The following CRACR2A variants were observed in gnomAD, a reference collection of about 807,000 sequenced individuals.
CRACR2A encodes the protein calcium release activated channel regulator 2A.
Under a neutral mutation model 90.5 loss-of-function variants are expected in CRACR2A, and 79 were observed. The observed-to-expected ratio is 0.87, with a 90% CI of 0.73 to 1.05. The LOEUF (loss-of-function observed/expected upper bound fraction) is 1.05. Ranked by LOEUF, CRACR2A falls within the 50% of genes least tolerant of loss-of-function variation. The pLI, the probability that CRACR2A is intolerant of heterozygous loss-of-function variation, is 0.00. For synonymous variants in CRACR2A, 338 were observed against 356.7 expected, an observed-to-expected ratio of 0.95 and a Z score of 0.59; for missense variants, 823 against 897.2, an observed-to-expected ratio of 0.92 and a Z score of 1.06.
intron 11 of CRACR2A, 64 bp downstream of exon 11, chr12:3,648,478 T>G (rs1178497367): frequency 6.2e-7 from 1 of 1,613,052 alleles, no homozygotes; most frequent in Admixed American, 1.7e-5. Flanking sequence ...ACCCTCAGAC[T>G]GGTCCTTCCG....
intron 1 of CRACR2A, among the ~76,000 whole-genome samples, chr12:3,745,295 T>TC (rs1205345941): frequency 6.6e-6 from 1 of 151,970 alleles, no homozygotes; most frequent in African/African-American, 2.4e-5. Flanking sequence ...TGATGGTATC[T>TC]CCCCAATGGC....
chr12:3,628,050 TCTCTCTCTTTCCCTCCCTCTCTCC>T (rs1944302043), intron 15 of CRACR2A, among the ~76,000 whole-genome samples: 1 of 115,352 alleles, frequency 8.7e-6, no homozygotes. Flanking sequence ...TCCTTCCCTC[TCTCTCTCTTTCCCTCCCTCTCTCC>T]CTCTCTCCTT....
intron 17 of CRACR2A, among the ~76,000 whole-genome samples, chr12:3,621,360 C>T (rs546893770): frequency 1.3e-5 from 2 of 150,796 alleles, no homozygotes; most frequent in Admixed American, 1.3e-4. Flanking sequence ...GCAATGGTGC[C>T]TCTTGCGTCC....
At chr12:3,733,872 G>GACACACACACACACACAC (rs56412036) in intron 1 of CRACR2A, among the ~76,000 whole-genome samples, 1 of 136,094 alleles carries the variant, frequency 7.3e-6, no homozygotes, top group Non-Finnish European at 1.6e-5. Flanking sequence ...AAATTTTCAG[G>GACACACACACACACACAC]ACACACACAC....
intron 13 of CRACR2A, among the ~76,000 whole-genome samples, chr12:3,639,409 A>G (rs1377926484): frequency 6.7e-6 from 1 of 149,838 alleles, no homozygotes; most frequent in Non-Finnish European, 1.5e-5. Flanking sequence ...CCTCACAGAA[A>G]TTGTCTTAAA....
At chr12:3,619,844 A>G (rs1303829602) in intron 17 of CRACR2A, among the ~76,000 whole-genome samples, 3 of 152,220 alleles carry the variant, frequency 2.0e-5, no homozygotes, top group Non-Finnish European at 4.4e-5. Context: ...TAGAAACTGC[A>G]TCACTAGAGG....
chr12:3,694,119 T>C (rs913385012), intron 4 of CRACR2A, among the ~76,000 whole-genome samples: 2 of 152,190 alleles, frequency 1.3e-5, no homozygotes, highest in Non-Finnish European at 2.9e-5. Context: ...CCAGATTCTG[T>C]GTCTTCCCTC....
At position 3,753,059 on chromosome 12, in the gene CRACR2A, C is replaced by G. The variant is rs1462053872; in HGVS notation, c.-431G>C. On this transcript the variant is annotated 5_prime_UTR_variant, in exon 1 of 20. Coordinates refer to ENST00000440314, the MANE Select transcript of CRACR2A (RefSeq NM_001144958.2). ...CGTGGACCTGCCCGCGCCGCCCGCT[C>G]GGCTCTCAGCTGTCAAGCAGCCGCC... is the stretch of plus-strand genomic sequence containing the variant. The G allele has an allele frequency of 1.3e-5, 2 of 152,388 alleles. No homozygotes were observed. The highest frequency in any genetic ancestry group is 2.9e-5 in the Non-Finnish European group (2 of 68,172). The allele number at this position is 152,388 out of a possible 1,614,324, so 9.4% of individuals were successfully genotyped here.
At chr12:3,689,479 T>C (rs1945617729) in intron 4 of CRACR2A, among the ~76,000 whole-genome samples, 1 of 152,246 alleles carries the variant, frequency 6.6e-6, no homozygotes. Context: ...GTTTTGTTTA[T>C]GTGATGAATT....
chr12:3,723,347 C>T (rs926260765), intron 2 of CRACR2A, among the ~76,000 whole-genome samples: 16 of 152,168 alleles, frequency 1.1e-4, no homozygotes, highest in African/African-American at 3.6e-4. Context: ...CTGTTTCTCT[C>T]CATGGTTCAG....
intron 3 of CRACR2A, among the ~76,000 whole-genome samples, chr12:3,706,870 C>G (rs1243499156): frequency 6.6e-6 from 1 of 152,204 alleles, no homozygotes; most frequent in East Asian, 1.9e-4. Context: ...TCCCAAAGTG[C>G]TGGGATTACA....
At chr12:3,648,214 C>A (rs568782096) in intron 11 of CRACR2A, 4 of 1,197,648 alleles carry the variant, frequency 3.3e-6, no homozygotes, top group Admixed American at 4.0e-5. Context: ...GATAATATTT[C>A]TAGCATAGAT....
At chr12:3,653,716 G>A (rs1176021737) in intron 10 of CRACR2A, among the ~76,000 whole-genome samples, 1 of 152,158 alleles carries the variant, frequency 6.6e-6, no homozygotes, top group African/African-American at 2.4e-5. Context: ...GCGAGTCCAG[G>A]GCAGTGACAC....
chr12:3,666,330 C>CGTGTGTGTGTGTTTGTGTGTGTGT (rs1555112056), intron 7 of CRACR2A, among the ~76,000 whole-genome samples: 1 of 139,582 alleles, frequency 7.2e-6, no homozygotes, highest in Non-Finnish European at 1.6e-5. Flanking sequence ...AGGACGGCTG[C>CGTGTGTGTGTGTTTGTGTGTGTGT]GTGTGTGTGT....
rs755001466 is a variant in CRACR2A at position 3,696,942 on chromosome 12, C to T, written c.58G>A (p.Gly20Ser). The T allele has an allele frequency of 1.3e-5, 21 of 1,614,088 alleles. No homozygotes were observed. The highest frequency in any genetic ancestry group is 6.8e-6 in the Non-Finnish European group (8 of 1,180,036). Reference protein sequence around the residue: ...SRPQRLGQGSGQGPKGSGACL... With the variant: ...SRPQRLGQGSSQGPKGSGACL... ...GCTCCACTCCCCTTTGGCCCCTGGC[C>T]AGACCCCTGACCAAGTCTCTGGGGT... Residue 20 changes from glycine to serine, a missense_variant, in exon 4 of 20, where the codon GGC (glycine) becomes AGC (serine). Coordinates refer to ENST00000440314, the MANE Select transcript of CRACR2A (RefSeq NM_001144958.2).
At chr12:3,642,696 T>A (rs887968277) in intron 12 of CRACR2A, among the ~76,000 whole-genome samples, 4 of 152,346 alleles carry the variant, frequency 2.6e-5, no homozygotes, top group East Asian at 3.9e-4. Flanking sequence ...GTAGTTCAGC[T>A]CTTTGGTGGA....
chr12:3,648,665 C>G, intron 10 of CRACR2A, 52 bp from the exon 11 acceptor site: 1 of 1,580,312 alleles, frequency 6.3e-7, no homozygotes, highest in Non-Finnish European at 8.6e-7. Flanking sequence ...AAGCCGGATG[C>G]CCGGACCCCT....
chr12:3,696,516 T>C (rs569889683), intron 4 of CRACR2A, among the ~76,000 whole-genome samples: 1 of 152,346 alleles, frequency 6.6e-6, no homozygotes, highest in African/African-American at 2.4e-5. Flanking sequence ...GTTACTGTTA[T>C]CATTTCCCAC....
intron 2 of CRACR2A, among the ~76,000 whole-genome samples, chr12:3,720,302 A>C (rs1946140843): frequency 6.8e-6 from 1 of 148,064 alleles, no homozygotes; most frequent in African/African-American, 2.5e-5. Flanking sequence ...AGAAAAAGAA[A>C]GAAAGAAGGA....
Sources: allele counts gnomAD v4.1 joint callset (sites outside exome capture counted in the v4.1 genomes callset), GRCh38; gene constraint gnomAD v4.1.1; transcripts MANE v1.5; gene names NCBI Gene and HGNC (gene_info 2026-07-23, HGNC 2026-07-21).